Variants in MYO16 observed in about 807,000 individuals in gnomAD.
The protein encoded by MYO16 is unconventional myosin-XVI.
A neutral mutation model predicts 205.3 loss-of-function variants in MYO16; 94 were observed. That is an observed-to-expected ratio of 0.46 (90% confidence interval 0.39 to 0.54). The LOEUF is 0.54. MYO16 is among the 20% of genes least tolerant of loss of function. The probability of loss-of-function intolerance (pLI) is 0.00; values close to 1 mark genes in which losing one functional copy is unlikely to be tolerated. For missense variants in MYO16, 2,315 were observed against 2,387.5 expected (o/e 0.97, Z 0.63); for synonymous variants, 988 against 954.0 (o/e 1.04, Z -0.66).
At chr13:108,729,868 T>C (rs760012439) in intron 4 of MYO16, among the ~76,000 whole-genome samples, 3 of 152,192 alleles carry the variant, frequency 2.0e-5, no homozygotes, top group Non-Finnish European at 4.4e-5. Flanking sequence ...CTCTACTGAG[T>C]CTAGATCGTG....
intron 6 of MYO16, among the ~76,000 whole-genome samples, chr13:108,800,171 T>C (rs1886927309): frequency 2.0e-5 from 3 of 152,188 alleles, no homozygotes; most frequent in South Asian, 4.1e-4. Flanking sequence ...CCCCCTAAAA[T>C]AGAACCAGAA....
chr13:108,997,916 G>GATTTCA (rs1885088464), intron 21 of MYO16, among the ~76,000 whole-genome samples: 1 of 152,192 alleles, frequency 6.6e-6, no homozygotes, highest in Admixed American at 6.5e-5. Context: ...CATCAGACTT[G>GATTTCA]TCAAGAATTC....
chr13:108,655,599 GGTA>G (rs941517764), intron 1 of MYO16, among the ~76,000 whole-genome samples: 24 of 152,114 alleles, frequency 1.6e-4, no homozygotes, highest in African/African-American at 5.8e-4. Flanking sequence ...ACCCCAGAAT[GGTA>G]GATCCATCGA....
rs188590492 is a variant in MYO16, at chr13:109,025,756, A to G, written c.2796+5845A>G. Among the ~76,000 whole-genome samples, 18 of 152,314 alleles carry G rather than the reference A, an allele frequency of 1.2e-4. No individual in the cohort carries two copies. In the East Asian group the frequency reaches 3.1e-3, roughly 26 times the overall value. ...CTCTTAGGAAAGTTAAATTTCCATTAAGATGATTCTAAACTAACTCTAGTA... is the reference window on the plus strand; with the variant it reads ...CTCTTAGGAAAGTTAAATTTCCATTGAGATGATTCTAAACTAACTCTAGTA... On this transcript the variant is annotated intron_variant, in intron 23 of 34. Transcript: ENST00000457511.
At position 108,890,203 on chromosome 13, in the gene MYO16, C is replaced by T. The variant is rs575532544; in HGVS notation, c.1659+1726C>T. On this transcript the variant is annotated intron_variant, in intron 14 of 34. Transcript: ENST00000457511. ...AAGTGATCCACCTGCCTCAGCCTCCCAAAGTGCTAGGATTACAGGCGTGAA... is the reference window on the plus strand; with the variant it reads ...AAGTGATCCACCTGCCTCAGCCTCCTAAAGTGCTAGGATTACAGGCGTGAA... 1.7e-3 allele frequency among the ~76,000 whole-genome samples: 262 copies of T among 151,172 alleles called. 2 individuals carry two copies. Among genetic ancestry groups the T allele is most frequent in the African/African-American group, 6.3e-3 (258 of 41,156 alleles).
intron 4 of MYO16, among the ~76,000 whole-genome samples, chr13:108,731,844 A>G (rs1330125976): frequency 6.6e-6 from 1 of 152,190 alleles, no homozygotes; most frequent in African/African-American, 2.4e-5. Flanking sequence ...AATGACTACT[A>G]TGTTTGAGAT....
intron 32 of MYO16, among the ~76,000 whole-genome samples, chr13:109,163,035 G>A (rs1594145836): frequency 6.6e-6 from 1 of 152,156 alleles, no homozygotes; most frequent in Admixed American, 6.5e-5. Flanking sequence ...ATGGAGTCAG[G>A]AGCCACAGTG....
chr13:108,819,146 A>C (rs1875809996), intron 7 of MYO16, among the ~76,000 whole-genome samples: 1 of 152,218 alleles, frequency 6.6e-6, no homozygotes, highest in Admixed American at 6.5e-5. Flanking sequence ...TGTGTGCACC[A>C]AGAGATATAA....
intron 10 of MYO16, among the ~76,000 whole-genome samples, chr13:108,854,714 A>G (rs144051279): frequency 6.6e-6 from 1 of 152,282 alleles, no homozygotes; most frequent in Admixed American, 6.5e-5. Context: ...TTTTCTGAGC[A>G]TGTTCTGGGT....
intron 2 of MYO16, among the ~76,000 whole-genome samples, chr13:108,684,110 G>A (rs191989629): frequency 2.0e-5 from 3 of 152,278 alleles, no homozygotes; most frequent in East Asian, 1.9e-4. Context: ...TCCTGACCTC[G>A]TGATCCGCCC....
intron 28 of MYO16, among the ~76,000 whole-genome samples, chr13:109,114,161 G>A (rs1431228039): frequency 6.6e-6 from 1 of 152,144 alleles, no homozygotes; most frequent in African/African-American, 2.4e-5. Flanking sequence ...AGGTGAGCTT[G>A]TCAAAGAAGT....
intron 2 of MYO16, among the ~76,000 whole-genome samples, chr13:108,699,194 T>C (rs1427905105): frequency 6.6e-6 from 1 of 151,434 alleles, no homozygotes; most frequent in African/African-American, 2.4e-5. Flanking sequence ...CATGTATATA[T>C]AGTTATTACA....
intron 16 of MYO16, among the ~76,000 whole-genome samples, chr13:108,926,678 T>G (rs151253533): frequency 6.6e-6 from 1 of 152,148 alleles, no homozygotes; most frequent in Non-Finnish European, 1.5e-5. Context: ...GGAGTGATGT[T>G]TTCTCAAGCA....
intron 1 of MYO16, 84 bp downstream of exon 1, chr13:108,629,956 C>T: frequency 8.5e-7 from 1 of 1,181,236 alleles, no homozygotes; most frequent in Non-Finnish European, 1.2e-6. Flanking sequence ...TAAGGCAGTT[C>T]TCCTGGTATA....
chr13:108,536,412 A>G, the MYO16 span, among the ~76,000 whole-genome samples: 2 of 149,592 alleles, frequency 1.3e-5, no homozygotes, highest in Admixed American at 1.3e-4. Flanking sequence ...CAAACAGTTT[A>G]AGTTATGAAA....
rs1256313675 is a variant in MYO16, at chr13:108,866,300, C to T, written c.1425+58C>T. The T allele has an allele frequency of 2.8e-6, 3 of 1,079,614 alleles. No homozygotes were observed. In the East Asian group the frequency reaches 8.1e-5, roughly 29 times the overall value. 66.9% of individuals were successfully genotyped at this position (1,079,614 alleles called of 1,614,324 possible). On this transcript the variant is annotated intron_variant, in intron 12 of 34. Transcript: ENST00000457511. ...TGTAGAGTAATACTTTCTAGTCATACATGTTTGTATCAAATGACTAAAAAA... is the reference window on the plus strand; with the variant it reads ...TGTAGAGTAATACTTTCTAGTCATATATGTTTGTATCAAATGACTAAAAAA...
At chr13:108,923,796 A>G (rs1881854501) in intron 16 of MYO16, among the ~76,000 whole-genome samples, 1 of 151,964 alleles carries the variant, frequency 6.6e-6, no homozygotes, top group African/African-American at 2.4e-5. Flanking sequence ...ATTCTGCCAC[A>G]CCGTGACTTC....
At chr13:109,078,643 T>A (rs1259494361) in intron 27 of MYO16, among the ~76,000 whole-genome samples, 1 of 152,192 alleles carries the variant, frequency 6.6e-6, no homozygotes, top group African/African-American at 2.4e-5. Context: ...TGTACATTTT[T>A]ATACTTCTAT....
In MYO16 at chr13:109,027,516, G is replaced by C. The variant is rs571156381; in HGVS notation, c.2796+7605G>C. ...AATGTGTTTATTGTCTGTACTCATAGAATTCATGTGGCATAGTGGAAGGAG... is the reference window on the plus strand; with the variant it reads ...AATGTGTTTATTGTCTGTACTCATACAATTCATGTGGCATAGTGGAAGGAG... On this transcript the variant is annotated intron_variant, in intron 23 of 34. Coordinates refer to ENST00000457511, the MANE Select transcript of MYO16 (RefSeq NM_001198950.3). Among the ~76,000 whole-genome samples, 6 of 152,232 alleles carry C rather than the reference G, an allele frequency of 3.9e-5. No homozygotes were observed. The East Asian group carries it at 1.2e-3, about 30-fold the overall frequency.
Sources: gnomAD v4.1 joint callset for allele counts (sites outside exome capture counted in the v4.1 genomes callset) on GRCh38, gnomAD v4.1.1 for gene constraint, MANE v1.5 for transcripts, NCBI Gene and HGNC (gene_info 2026-07-23, HGNC 2026-07-21) for gene names.